Variants in PTPRT observed in about 807,000 individuals in gnomAD.
PTPRT encodes the protein protein tyrosine phosphatase receptor type T, also known as receptor-type tyrosine-protein phosphatase T.
Under a neutral mutation model 176.8 loss-of-function variants are expected in PTPRT, and 56 were observed. The observed-to-expected ratio is 0.32, with a 90% CI of 0.26 to 0.40. PTPRT has a LOEUF of 0.40. PTPRT is among the 10% of genes least tolerant of loss of function. PTPRT has a pLI of 1.00. For synonymous variants in PTPRT, 783 were observed against 739.0 expected (o/e 1.06, Z -0.96); for missense variants, 1,540 against 1,908.2 (o/e 0.81, Z 3.60).
intron 9 of PTPRT, among the ~76,000 whole-genome samples, chr20:42,386,787 G>A (rs1475136761): frequency 3.3e-5 from 5 of 152,142 alleles, no homozygotes; most frequent in Admixed American, 1.3e-4. Flanking sequence ...TTGAACCCAG[G>A]AGGCGGAAGT....
chr20:43,062,049 A>G (rs937411561), intron 1 of PTPRT, among the ~76,000 whole-genome samples: 1 of 152,240 alleles, frequency 6.6e-6, no homozygotes, highest in South Asian at 2.1e-4. Flanking sequence ...AATCTAATCT[A>G]TAGTGACCAA....
intron 9 of PTPRT, among the ~76,000 whole-genome samples, chr20:42,422,923 C>T (rs1369288811): frequency 6.6e-6 from 1 of 152,042 alleles, no homozygotes; most frequent in African/African-American, 2.4e-5. Flanking sequence ...AGGCCATTAT[C>T]CTTAGCAAGC....
At chr20:42,508,537 C>T (rs1005208822) in intron 7 of PTPRT, among the ~76,000 whole-genome samples, 2 of 152,058 alleles carry the variant, frequency 1.3e-5, no homozygotes, top group African/African-American at 2.4e-5. Flanking sequence ...TAGAATAGCC[C>T]TTACTATGTA....
chr20:42,243,293 G>A (rs74321515), intron 14 of PTPRT, among the ~76,000 whole-genome samples: 2,640 of 152,246 alleles, frequency 0.017, 74 homozygotes, highest in African/African-American at 0.06. Flanking sequence ...ATGTCCAGGG[G>A]CAGATGATAT....
At chr20:42,479,164 T>TA (rs2071339455) in intron 7 of PTPRT, among the ~76,000 whole-genome samples, 1 of 152,196 alleles carries the variant, frequency 6.6e-6, no homozygotes, top group African/African-American at 2.4e-5. Flanking sequence ...AACATCTTAT[T>TA]AAAAAAGAAG....
chr20:42,470,908 T>C (rs1468659883), intron 8 of PTPRT, among the ~76,000 whole-genome samples: 10 of 151,592 alleles, frequency 6.6e-5, no homozygotes, highest in Non-Finnish European at 2.9e-5. Context: ...GCATACCCAT[T>C]AGAAATGGGG....
chr20:42,562,735 A>G (rs965810429), intron 7 of PTPRT, among the ~76,000 whole-genome samples: 2 of 152,168 alleles, frequency 1.3e-5, no homozygotes, highest in South Asian at 2.1e-4. Context: ...GGAGTCCATC[A>G]CCCTCATCAC....
At chr20:42,557,440 G>T (rs763329998) in intron 7 of PTPRT, among the ~76,000 whole-genome samples, 2 of 152,022 alleles carry the variant, frequency 1.3e-5, no homozygotes, top group Non-Finnish European at 1.5e-5. Flanking sequence ...CAGGTCATGG[G>T]CAGGTAGAAT....
intron 9 of PTPRT, among the ~76,000 whole-genome samples, chr20:42,388,445 C>G (rs930352336): frequency 6.6e-6 from 1 of 152,024 alleles, no homozygotes; most frequent in African/African-American, 2.4e-5. Flanking sequence ...AACAAACAAC[C>G]CCATCAAAAA....
chr20:42,286,565 C>T (rs2057233665), intron 12 of PTPRT, among the ~76,000 whole-genome samples: 1 of 151,708 alleles, frequency 6.6e-6, no homozygotes, highest in South Asian at 2.1e-4. Context: ...CACCTCTCAC[C>T]CTATACAAAA....
intron 7 of PTPRT, among the ~76,000 whole-genome samples, chr20:42,668,714 C>A (rs1600578896): frequency 6.9e-6 from 1 of 143,918 alleles, no homozygotes; most frequent in Non-Finnish European, 1.5e-5. Flanking sequence ...TTTTTTAAGG[C>A]GGAGTCTCGC....
intron 7 of PTPRT, among the ~76,000 whole-genome samples, chr20:42,562,623 T>C (rs754160720): frequency 2.5e-4 from 38 of 152,222 alleles, no homozygotes; most frequent in Non-Finnish European, 4.7e-4. Context: ...TATTCCATGG[T>C]CCAGTACCAG....
intron 19 of PTPRT, among the ~76,000 whole-genome samples, chr20:42,128,343 C>T (rs377546772): frequency 1.2e-4 from 19 of 152,174 alleles, no homozygotes; most frequent in African/African-American, 4.6e-4. Flanking sequence ...TGCACATTAT[C>T]TCCCTGCTAA....
chr20:42,903,572 A>T (rs964434646), intron 1 of PTPRT, among the ~76,000 whole-genome samples: 2 of 152,264 alleles, frequency 1.3e-5, no homozygotes, highest in African/African-American at 4.8e-5. Flanking sequence ...GAGTATTATC[A>T]TAAGTACAGT....
intron 22 of PTPRT, among the ~76,000 whole-genome samples, chr20:42,113,831 C>T (rs1179317924): frequency 6.6e-6 from 1 of 152,238 alleles, no homozygotes; most frequent in Non-Finnish European, 1.5e-5. Context: ...TGGTTTCCTT[C>T]CTCTTAGTGG....
chr20:42,370,606 T>G (rs1256155298), intron 9 of PTPRT, among the ~76,000 whole-genome samples: 1 of 152,196 alleles, frequency 6.6e-6, no homozygotes, highest in African/African-American at 2.4e-5. Flanking sequence ...TCTCTTCTGT[T>G]AAATGGAGAC....
chr20:42,722,730 T>C (rs914687744), intron 6 of PTPRT, among the ~76,000 whole-genome samples: 1 of 152,238 alleles, frequency 6.6e-6, no homozygotes, highest in African/African-American at 2.4e-5. Context: ...ACTAGGCACA[T>C]GCAGCTCACG....
intron 6 of PTPRT, among the ~76,000 whole-genome samples, chr20:42,699,416 G>A (rs575321278): frequency 6.6e-6 from 1 of 152,120 alleles, no homozygotes; most frequent in East Asian, 1.9e-4. Context: ...ATTAAATAAG[G>A]TGCACACTCA....
At chr20:42,740,068 T>C (rs954869890) in intron 6 of PTPRT, among the ~76,000 whole-genome samples, 2 of 152,170 alleles carry the variant, frequency 1.3e-5, no homozygotes, top group Non-Finnish European at 2.9e-5. Context: ...CTCAACCCTG[T>C]CAGGGATAGG....
Sources: allele counts gnomAD v4.1 joint callset (sites outside exome capture counted in the v4.1 genomes callset), GRCh38; gene constraint gnomAD v4.1.1; transcripts MANE v1.5; gene names NCBI Gene and HGNC (gene_info 2026-07-23, HGNC 2026-07-21).